CDH13: variants seen among roughly 807,000 people sequenced by gnomAD.
CDH13 encodes the protein cadherin-13.
In CDH13, 24 loss-of-function variants were observed where a neutral mutation model predicts 63.8. The ratio of observed to expected loss-of-function variants is 0.38; its 90% CI spans 0.27 to 0.53. CDH13 has a LOEUF of 0.53. Among genes scored for constraint, CDH13 ranks in the 20% least tolerant of loss-of-function variants. The probability of loss-of-function intolerance (pLI) is 0.85; values close to 1 mark genes in which losing one functional copy is unlikely to be tolerated. For missense variants in CDH13, 1,049 were observed against 903.1 expected, an observed-to-expected ratio of 1.16 and a Z score of -2.07; for synonymous variants, 503 against 355.3, an observed-to-expected ratio of 1.42 and a Z score of -4.67.
At chr16:83,683,014 A>G (rs1915532406) in intron 10 of CDH13, among the ~76,000 whole-genome samples, 1 of 152,136 alleles carries the variant, frequency 6.6e-6, no homozygotes, top group Non-Finnish European at 1.5e-5. Flanking sequence ...GAGGAAATGC[A>G]CTTCTCAGGC....
intron 1 of CDH13, among the ~76,000 whole-genome samples, chr16:82,826,975 C>T (rs1437929749): frequency 2.0e-5 from 3 of 152,140 alleles, no homozygotes; most frequent in Non-Finnish European, 2.9e-5. Context: ...CAGGAAAATG[C>T]CACACGGCTG....
At chr16:83,338,184 T>TAAAA (rs5818440) in intron 5 of CDH13, among the ~76,000 whole-genome samples, 5,778 of 134,936 alleles carry the variant, frequency 0.043, 153 homozygotes, top group Admixed American at 0.082. Context: ...CTCTTCTTTT[T>TAAAA]AAAAAAAAAA....
In CDH13 at chr16:83,575,874, C is replaced by A. The variant is rs553981979; in HGVS notation, c.961-26580C>A. ...CAAGGTCCAGGACTATTTCACTCAC[C>A]TTTGTACCCCCAGAAACTAGCACAT... On this transcript the variant is annotated intron_variant, in intron 7 of 13. Transcript: ENST00000567109. 2.6e-5 allele frequency among the ~76,000 whole-genome samples: 4 copies of A among 152,176 alleles called. No individual in the cohort carries two copies. The East Asian group carries it at 7.7e-4, about 29-fold the overall frequency.
rs1029042177 is a variant in CDH13 at position 83,796,002 on chromosome 16, A to T, written c.*972A>T. On this transcript the variant is annotated 3_prime_UTR_variant, in exon 14 of 14. Coordinates refer to ENST00000567109, the MANE Select transcript of CDH13 (RefSeq NM_001257.5). The stretch of plus-strand genomic sequence containing the variant: ...CATATATACCCACATGTACAGACAT[A>T]CATTTATGCACATTCACGCTGTTTG... 1 of 152,670 alleles carries T rather than the reference A, an allele frequency of 6.6e-6. No homozygotes were observed. Among genetic ancestry groups the T allele is most frequent in the Non-Finnish European group, 1.5e-5 (1 of 68,050 alleles). 9.5% of individuals were successfully genotyped at this position (152,670 alleles called of 1,614,324 possible).
At chr16:82,719,833 G>C (rs1383580500) in intron 1 of CDH13, among the ~76,000 whole-genome samples, 2 of 121,724 alleles carry the variant, frequency 1.6e-5, no homozygotes, top group African/African-American at 6.4e-5. Flanking sequence ...GCAACAGAGA[G>C]AGACTCTGTC....
At chr16:82,837,637 T>C (rs1418173116) in intron 1 of CDH13, among the ~76,000 whole-genome samples, 1 of 152,040 alleles carries the variant, frequency 6.6e-6, no homozygotes, top group Non-Finnish European at 1.5e-5. Context: ...TGTGCTTAAC[T>C]CCCCCAAGCA....
chr16:82,846,068 T>C (rs2039243523), intron 1 of CDH13, among the ~76,000 whole-genome samples: 1 of 152,202 alleles, frequency 6.6e-6, no homozygotes, highest in Non-Finnish European at 1.5e-5. Context: ...CAAAACACCT[T>C]CAAATAATCT....
At chr16:82,636,729 C>T (rs553551778) in intron 1 of CDH13, among the ~76,000 whole-genome samples, 1 of 152,136 alleles carries the variant, frequency 6.6e-6, no homozygotes, top group Admixed American at 6.5e-5. Context: ...ACAACTGGGC[C>T]ACTCTAAAGA....
chr16:82,908,456 G>C (rs1481769697), intron 2 of CDH13, among the ~76,000 whole-genome samples: 1 of 152,162 alleles, frequency 6.6e-6, no homozygotes, highest in Non-Finnish European at 1.5e-5. Context: ...TGGCACCCCA[G>C]GTTAACACAG....
At chr16:82,903,814 A>G (rs2041551126) in intron 2 of CDH13, among the ~76,000 whole-genome samples, 1 of 152,136 alleles carries the variant, frequency 6.6e-6, no homozygotes, top group South Asian at 2.1e-4. Context: ...TTTATTATCC[A>G]TGTTTCGTAA....
At chr16:82,674,635 G>A (rs142049265) in intron 1 of CDH13, among the ~76,000 whole-genome samples, 1 of 152,200 alleles carries the variant, frequency 6.6e-6, no homozygotes, top group African/African-American at 2.4e-5. Flanking sequence ...ATAGATGGTG[G>A]ATATTTAAAT....
intron 1 of CDH13, among the ~76,000 whole-genome samples, chr16:82,661,556 C>T (rs1475911528): frequency 6.6e-6 from 1 of 152,216 alleles, no homozygotes; most frequent in Non-Finnish European, 1.5e-5. Flanking sequence ...TGGCTATCAG[C>T]ATCAACACCT....
intron 2 of CDH13, among the ~76,000 whole-genome samples, chr16:83,016,406 AT>A (rs1914798341): frequency 6.6e-6 from 1 of 152,166 alleles, no homozygotes; most frequent in African/African-American, 2.4e-5. Flanking sequence ...ATATTTTTTG[AT>A]TGCCAACTCT....
At chr16:83,125,806 G>A (rs1334027359) in intron 4 of CDH13, among the ~76,000 whole-genome samples, 1 of 152,148 alleles carries the variant, frequency 6.6e-6, no homozygotes. Flanking sequence ...ATATTCAGGT[G>A]ATCACCAGAT....
chr16:83,483,743 G>A (rs2073825980), intron 6 of CDH13, among the ~76,000 whole-genome samples: 1 of 152,124 alleles, frequency 6.6e-6, no homozygotes, highest in African/African-American at 2.4e-5. Context: ...AAGATCGCAG[G>A]CCTGAAATCT....
Position 83,695,140 on chromosome 16 carries a change from G to A in CDH13, c.1538+16679G>A, listed in dbSNP as rs146206019. Among the ~76,000 whole-genome samples, 625 of 152,272 alleles carry A rather than the reference G, an allele frequency of 4.1e-3. 8 individuals carry two copies. Among genetic ancestry groups the A allele is most frequent in the African/African-American group, 0.014 (601 of 41,560 alleles). ...GAGAATCGCTTGAATCCGGGAGGTG[G>A]AGATTGCAGTGAGCCAAGATCATGC... On this transcript the variant is annotated intron_variant, in intron 10 of 13. Transcript: ENST00000567109.
chr16:82,663,569 C>T (rs989998128), intron 1 of CDH13, among the ~76,000 whole-genome samples: 2 of 152,186 alleles, frequency 1.3e-5, no homozygotes, highest in Admixed American at 1.3e-4. Flanking sequence ...TCCCATTTGT[C>T]CTGTCTTTGT....
In CDH13 at chr16:83,598,435, G is replaced by C. The variant is rs1447054954; in HGVS notation, c.961-4019G>C. Among the ~76,000 whole-genome samples, 4 of 152,080 alleles carry C rather than the reference G, an allele frequency of 2.6e-5. No individual in the cohort carries two copies. In the East Asian group the frequency reaches 7.7e-4, roughly 29 times the overall value. ...TGGCTACAAAAAATTTTCTGTTTAA[G>C]GGAAAGTATTAAAAGAGAAAACGAT... On this transcript the variant is annotated intron_variant, in intron 7 of 13. Transcript: ENST00000567109.
intron 2 of CDH13, among the ~76,000 whole-genome samples, chr16:82,927,738 G>C (rs1196643255): frequency 6.6e-6 from 1 of 152,148 alleles, no homozygotes; most frequent in Non-Finnish European, 1.5e-5. Context: ...AACAGGTAAG[G>C]AACCATGCCT....
Sources: allele counts gnomAD v4.1 joint callset (sites outside exome capture counted in the v4.1 genomes callset), GRCh38; gene constraint gnomAD v4.1.1; transcripts MANE v1.5; gene names NCBI Gene and HGNC (gene_info 2026-07-23, HGNC 2026-07-21).